The following SV2C variants were observed in gnomAD, a reference collection of about 807,000 sequenced individuals.
The protein encoded by SV2C is synaptic vesicle glycoprotein 2C.
A neutral mutation model predicts 79.7 loss-of-function variants in SV2C; 49 were observed. The observed-to-expected ratio is 0.61, with a 90% CI of 0.49 to 0.78. SV2C has a LOEUF of 0.78. Among genes scored for constraint, SV2C ranks in the 30% least tolerant of loss-of-function variants. SV2C has a pLI of 0.00. For synonymous variants in SV2C, 334 were observed against 333.2 expected (o/e 1.00, Z -0.03); for missense variants, 833 against 912.9 (o/e 0.91, Z 1.13).
chr5:76,343,229 T>C (rs1749477116), intron 12 of SV2C, among the ~76,000 whole-genome samples: 1 of 152,188 alleles, frequency 6.6e-6, no homozygotes, highest in Admixed American at 6.5e-5. Flanking sequence ...GTATCTTTAG[T>C]AGTCATCAGA....
downstream of SV2C, among the ~76,000 whole-genome samples, chr5:76,337,486 C>T (rs769024550): frequency 2.0e-5 from 3 of 152,130 alleles, no homozygotes; most frequent in Non-Finnish European, 2.9e-5. Flanking sequence ...CAATTCAGCC[C>T]AATTCAGCAT....
chr5:76,049,988 T>A, the SV2C span, among the ~76,000 whole-genome samples: 2 of 152,230 alleles, frequency 1.3e-5, no homozygotes, highest in Non-Finnish European at 2.9e-5. Flanking sequence ...CCACTACTTA[T>A]TAATTGTGTA....
At chr5:76,072,967 G>GT in the SV2C span, among the ~76,000 whole-genome samples, 2 of 152,132 alleles carry the variant, frequency 1.3e-5, no homozygotes, top group African/African-American at 2.4e-5. Context: ...TTACTGATTT[G>GT]TTTGAGTTCT....
intron 4 of SV2C, among the ~76,000 whole-genome samples, chr5:76,238,595 G>A (rs183482123): frequency 6.6e-6 from 1 of 152,194 alleles, no homozygotes. Context: ...TGAATAAGGG[G>A]AGCTTGTCAA....
the SV2C span, among the ~76,000 whole-genome samples, chr5:75,938,599 T>C: frequency 6.6e-6 from 1 of 152,046 alleles, no homozygotes; most frequent in African/African-American, 2.4e-5. Flanking sequence ...ACAGGCAAAA[T>C]GAATCAGTGG....
downstream of SV2C, among the ~76,000 whole-genome samples, chr5:76,336,390 A>T (rs1162773626): frequency 6.8e-6 from 1 of 147,784 alleles, no homozygotes; most frequent in African/African-American, 2.6e-5. Flanking sequence ...CCTGGCAGAG[A>T]CGCTCCTCAC....
At chr5:76,205,805 T>C (rs1744591154) in intron 3 of SV2C, among the ~76,000 whole-genome samples, 1 of 152,198 alleles carries the variant, frequency 6.6e-6, no homozygotes, top group South Asian at 2.1e-4. Context: ...TATTTTGGAC[T>C]GGATAGTTCT....
At chr5:76,049,318 C>G in the SV2C span, among the ~76,000 whole-genome samples, 1 of 110,454 alleles carries the variant, frequency 9.1e-6, no homozygotes, top group Admixed American at 1.2e-4. Context: ...GCCTGGGTGA[C>G]AGAGCGAAAA....
chr5:76,248,300 G>A (rs1746005982), intron 4 of SV2C, among the ~76,000 whole-genome samples: 1 of 152,172 alleles, frequency 6.6e-6, no homozygotes, highest in African/African-American at 2.4e-5. Context: ...CTGAGATCAA[G>A]GGGTTGGCAG....
intron 4 of SV2C, among the ~76,000 whole-genome samples, chr5:76,236,498 G>A (rs1039353911): frequency 2.0e-5 from 3 of 151,962 alleles, no homozygotes; most frequent in African/African-American, 7.3e-5. Context: ...GGGGGCAGAG[G>A]TTGCAATGAT....
chr5:76,166,797 T>C (rs3922565), intron 2 of SV2C, among the ~76,000 whole-genome samples: 71,263 of 152,094 alleles, frequency 0.47, 16,906 homozygotes, highest in South Asian at 0.52. Context: ...CCTCATTCAA[T>C]GTCACAGACC....
At chr5:76,060,270 A>G in the SV2C span, among the ~76,000 whole-genome samples, 9 of 151,982 alleles carry the variant, frequency 5.9e-5, no homozygotes, top group South Asian at 2.1e-4. Flanking sequence ...CATTGACTTC[A>G]CCTTTCTAAC....
intron 2 of SV2C, among the ~76,000 whole-genome samples, chr5:76,147,655 G>A (rs1399211657): frequency 6.6e-6 from 1 of 152,206 alleles, no homozygotes; most frequent in African/African-American, 2.4e-5. Flanking sequence ...GAACAAGTAT[G>A]CAACCTAAAA....
the SV2C span, among the ~76,000 whole-genome samples, chr5:75,904,369 A>AAAAACAAAACAAAACAAAAC: frequency 1.2e-4 from 18 of 149,154 alleles, no homozygotes; most frequent in African/African-American, 3.6e-4. Context: ...CAGTCCTCAA[A>AAAAACAAAACAAAACAAAAC]AAAACAAAAC....
upstream of SV2C, among the ~76,000 whole-genome samples, chr5:76,081,471 T>C (rs942808320): frequency 1.2e-4 from 19 of 152,234 alleles, no homozygotes; most frequent in African/African-American, 4.3e-4. Flanking sequence ...AGGCACTTCC[T>C]TGTCATAGTA....
chr5:76,334,303 T>G, downstream of SV2C, among the ~76,000 whole-genome samples: 1 of 151,624 alleles, frequency 6.6e-6, no homozygotes, highest in East Asian at 1.9e-4. Flanking sequence ...TTAAGAACAA[T>G]GAGAAAAAGT....
the SV2C span, among the ~76,000 whole-genome samples, chr5:75,882,810 C>G: frequency 6.8e-6 from 1 of 146,952 alleles, no homozygotes; most frequent in African/African-American, 2.5e-5. Flanking sequence ...ACTCCAAAAG[C>G]AATGGCAACA....
At chr5:75,910,803 T>C in the SV2C span, 1 of 1,331,688 alleles carries the variant, frequency 7.5e-7, no homozygotes, top group Non-Finnish European at 1.1e-6. Context: ...GTGACCATCT[T>C]CCAAAACATT....
the SV2C span, among the ~76,000 whole-genome samples, chr5:75,937,118 A>C: frequency 1.3e-5 from 2 of 152,234 alleles, no homozygotes; most frequent in Non-Finnish European, 2.9e-5. Context: ...CATTAAAAAC[A>C]TTGAGAATTA....
Sources: allele counts gnomAD v4.1 joint callset (sites outside exome capture counted in the v4.1 genomes callset), GRCh38; gene constraint gnomAD v4.1.1; transcripts MANE v1.5; gene names NCBI Gene and HGNC (gene_info 2026-07-23, HGNC 2026-07-21).